The following NXN variants were observed in gnomAD, a reference collection of about 807,000 sequenced individuals.
NXN encodes the protein nucleoredoxin 1.
NXN carries 16 observed loss-of-function variants against 48.6 expected under a neutral mutation model. The observed-to-expected ratio is 0.33, with a 90% confidence interval of 0.22 to 0.50. NXN has a LOEUF of 0.50. Ranked by LOEUF, NXN falls within the 20% of genes least tolerant of loss-of-function variation. NXN has a pLI of 0.98. For missense variants in NXN, 492 were observed against 605.5 expected (o/e 0.81, Z 1.97); for synonymous variants, 281 against 269.6 (o/e 1.04, Z -0.41).
intron 1 of NXN, among the ~76,000 whole-genome samples, chr17:940,443 A>G (rs2068958577): frequency 6.6e-6 from 1 of 152,192 alleles, no homozygotes; most frequent in Non-Finnish European, 1.5e-5. Context: ...GTTTTGGTAA[A>G]AAGAAGGAAA....
rs1199254848 is a variant in NXN at position 868,112 on chromosome 17, G to C, written c.361-42034C>G. Reference sequence around the variant, plus strand: ...TCATCTCCTAGCTGGACACTGGCAAGAGTTCCAGAGTCATCTCCCTCCCTT... The same window carrying C: ...TCATCTCCTAGCTGGACACTGGCAACAGTTCCAGAGTCATCTCCCTCCCTT... On this transcript the variant is annotated intron_variant, in intron 1 of 7. Coordinates refer to ENST00000336868, the MANE Select transcript of NXN (RefSeq NM_022463.5). 3.3e-5 allele frequency among the ~76,000 whole-genome samples: 5 copies of C among 152,126 alleles called. No individual in the cohort carries two copies. In the East Asian group the frequency reaches 9.6e-4, roughly 29 times the overall value.
chr17:856,438 G>A (rs933038813), intron 1 of NXN, among the ~76,000 whole-genome samples: 1 of 151,958 alleles, frequency 6.6e-6, no homozygotes, highest in Middle Eastern at 3.2e-3. Flanking sequence ...GCTTTACAAC[G>A]GGAGTCTGTG....
intron 1 of NXN, chr17:959,262 T>A (rs772169469): frequency 1.7e-6 from 1 of 586,930 alleles, no homozygotes; most frequent in Non-Finnish European, 2.6e-6. Context: ...AAAGCCTTCC[T>A]TTCCCCTCCA....
At chr17:940,478 G>T (rs373271898) in intron 1 of NXN, among the ~76,000 whole-genome samples, 2 of 152,198 alleles carry the variant, frequency 1.3e-5, no homozygotes, top group African/African-American at 2.4e-5. Flanking sequence ...ACTTCCAAAC[G>T]CAATGTCTCT....
At chr17:856,957 G>A (rs762715715) in intron 1 of NXN, among the ~76,000 whole-genome samples, 7 of 152,022 alleles carry the variant, frequency 4.6e-5, no homozygotes, top group Admixed American at 6.6e-5. Flanking sequence ...AAACTCTTCC[G>A]ACTTCTACAC....
chr17:834,286 C>A (rs1424907073), intron 1 of NXN, among the ~76,000 whole-genome samples: 1 of 152,210 alleles, frequency 6.6e-6, no homozygotes, highest in African/African-American at 2.4e-5. Flanking sequence ...CGTGTCACTG[C>A]ACCCCAGCAT....
chr17:859,298 G>A (rs1476101487), intron 1 of NXN, among the ~76,000 whole-genome samples: 35 of 152,154 alleles, frequency 2.3e-4, no homozygotes, highest in Admixed American at 2.2e-3. Context: ...ATAAAGAGTC[G>A]CTCTCTAAAT....
At chr17:877,838 G>A (rs538773257) in intron 1 of NXN, 11 of 152,474 alleles carry the variant, frequency 7.2e-5, no homozygotes, top group African/African-American at 2.4e-4. Flanking sequence ...GATAGGGCGA[G>A]GCATCCAAGA....
intron 1 of NXN, among the ~76,000 whole-genome samples, chr17:865,341 C>A (rs1016019225): frequency 6.6e-6 from 1 of 151,924 alleles, no homozygotes; most frequent in Non-Finnish European, 1.5e-5. Flanking sequence ...CTCCTGGATT[C>A]AAGTGATTCT....
intron 1 of NXN, among the ~76,000 whole-genome samples, chr17:947,927 T>TGTAC (rs1322238943): frequency 1.3e-5 from 2 of 149,050 alleles, no homozygotes; most frequent in African/African-American, 4.9e-5. Flanking sequence ...AGCGTGCGCC[T>TGTAC]GTACTCCCAG....
chr17:834,718 C>T (rs1913695052), intron 1 of NXN, among the ~76,000 whole-genome samples: 1 of 151,732 alleles, frequency 6.6e-6, no homozygotes. Flanking sequence ...TGGGGTTTCA[C>T]CACGTTGGGC....
At chr17:863,836 G>T in intron 1 of NXN, 1 of 838,884 alleles carries the variant, frequency 1.2e-6, no homozygotes, top group Non-Finnish European at 1.9e-6. Flanking sequence ...TCAAATCCAC[G>T]TCATTCAAGG....
intron 1 of NXN, among the ~76,000 whole-genome samples, chr17:948,095 ATG>A (rs1341368601): frequency 2.6e-5 from 4 of 152,226 alleles, no homozygotes; most frequent in South Asian, 2.1e-4. Context: ...TTTTAAAAAA[ATG>A]TAAAAATACA....
At chr17:939,635 C>T (rs979862207) in intron 1 of NXN, among the ~76,000 whole-genome samples, 13 of 151,794 alleles carry the variant, frequency 8.6e-5, no homozygotes, top group Admixed American at 2.0e-4. Flanking sequence ...CGTGAGCCAC[C>T]GCGCCTGGCC....
intron 1 of NXN, among the ~76,000 whole-genome samples, chr17:841,100 G>C (rs1046889073): frequency 2.0e-5 from 3 of 152,206 alleles, no homozygotes; most frequent in African/African-American, 7.2e-5. Context: ...CTGCAGAATG[G>C]TCTGGGGGGC....
At chr17:947,133 C>T (rs1194825748) in intron 1 of NXN, among the ~76,000 whole-genome samples, 1 of 152,150 alleles carries the variant, frequency 6.6e-6, no homozygotes, top group East Asian at 1.9e-4. Flanking sequence ...GCACCGGCAG[C>T]GTCCCCCTCG....
intron 5 of NXN, among the ~76,000 whole-genome samples, chr17:812,950 G>A (rs1365115036): frequency 2.7e-5 from 4 of 150,774 alleles, no homozygotes; most frequent in Non-Finnish European, 4.4e-5. Context: ...ATATGTGTGA[G>A]TGTAGGTGTG....
rs74477910 is a variant in NXN at position 897,536 on chromosome 17, G to A, written c.361-71458C>T. Among the ~76,000 whole-genome samples, 589 of 152,258 alleles carry A rather than the reference G, an allele frequency of 3.9e-3. 3 individuals carry two copies. The highest frequency in any genetic ancestry group is 0.013 in the African/African-American group (555 of 41,550). On this transcript the variant is annotated intron_variant, in intron 1 of 7. Coordinates refer to ENST00000336868, the MANE Select transcript of NXN (RefSeq NM_022463.5). Reference sequence around the variant, plus strand: ...GCCTCATTCACGTCCGGCATGTTCCGCTATTATTGAAAGGAAATTGAGAAA... The same window carrying A: ...GCCTCATTCACGTCCGGCATGTTCCACTATTATTGAAAGGAAATTGAGAAA...
intron 1 of NXN, among the ~76,000 whole-genome samples, chr17:935,446 G>A (rs1218468585): frequency 2.6e-5 from 4 of 152,110 alleles, no homozygotes; most frequent in Non-Finnish European, 5.9e-5. Context: ...GGAGGCTTCC[G>A]CTCGGTCATG....
Sources: allele counts gnomAD v4.1 joint callset (sites outside exome capture counted in the v4.1 genomes callset), GRCh38; gene constraint gnomAD v4.1.1; transcripts MANE v1.5; gene names NCBI Gene and HGNC (gene_info 2026-07-23, HGNC 2026-07-21).